RAB10: variants seen among roughly 807,000 people sequenced by gnomAD.
RAB10 encodes the protein ras-related protein Rab-10.
Under a neutral mutation model 25.7 loss-of-function variants are expected in RAB10, and 5 were observed. The observed-to-expected ratio is 0.19, with a 90% CI of 0.10 to 0.41. RAB10 has a LOEUF of 0.41. RAB10 is among the 10% of genes least tolerant of loss of function. The probability of loss-of-function intolerance (pLI) is 1.00; values close to 1 mark genes in which losing one functional copy is unlikely to be tolerated. For synonymous variants in RAB10, 89 were observed against 86.4 expected, an observed-to-expected ratio of 1.03 and a Z score of -0.16; for missense variants, 103 against 245.8, an observed-to-expected ratio of 0.42 and a Z score of 3.89.
intron 1 of RAB10, among the ~76,000 whole-genome samples, chr2:26,048,855 C>T (rs2149263386): frequency 6.6e-6 from 1 of 152,242 alleles, no homozygotes; most frequent in South Asian, 2.1e-4. Flanking sequence ...GACAGTGAGA[C>T]TCTATCTCAA....
At chr2:26,033,999 G>T (rs993866503), upstream of RAB10, 5 of 398,146 alleles carry the variant, frequency 1.3e-5, no homozygotes, top group Non-Finnish European at 2.2e-5. Flanking sequence ...ACTTCGGCGC[G>T]CCCCCATGCC....
At chr2:26,083,162 A>G (rs1052423113) in intron 1 of RAB10, among the ~76,000 whole-genome samples, 1 of 152,210 alleles carries the variant, frequency 6.6e-6, no homozygotes, top group Non-Finnish European at 1.5e-5. Flanking sequence ...GAACAACAGT[A>G]TATTAGAGGT....
intron 5 of RAB10, among the ~76,000 whole-genome samples, chr2:26,131,928 C>G (rs919228676): frequency 6.6e-6 from 1 of 152,212 alleles, no homozygotes; most frequent in African/African-American, 2.4e-5. Context: ...AGATTATTTT[C>G]AAACTTATGT....
At chr2:26,061,302 A>G (rs1666390344) in intron 1 of RAB10, among the ~76,000 whole-genome samples, 1 of 151,658 alleles carries the variant, frequency 6.6e-6, no homozygotes. Context: ...ATTTTTATAG[A>G]GACGGGATTT....
intron 1 of RAB10, among the ~76,000 whole-genome samples, chr2:26,054,819 A>G (rs1464113995): frequency 6.6e-6 from 1 of 152,020 alleles, no homozygotes; most frequent in South Asian, 2.1e-4. Context: ...TGTCTGATTC[A>G]AGATAGATTA....
rs1240906427 is a variant in RAB10 at position 26,034,383 on chromosome 2, GC to G, written c.-225del. 14 of 605,990 alleles carry G rather than the reference GC, an allele frequency of 2.3e-5. No individual in the cohort carries two copies. Among genetic ancestry groups the G allele is most frequent in the African/African-American group, 1.9e-4 (10 of 53,936 alleles). 37.5% of individuals were successfully genotyped at this position (605,990 alleles called of 1,614,324 possible). A position where few individuals can be genotyped will look rare whatever the true frequency, so the allele number is the denominator to read the frequency against. On this transcript the variant is annotated 5_prime_UTR_variant, in exon 1 of 6. Coordinates refer to ENST00000264710, the MANE Select transcript of RAB10 (RefSeq NM_016131.5). ...CGACTCCCCGGAACCGGGCGGACGGGCTGGGAGAGGCTGCGGAGCCGCGGTC... is the reference window on the plus strand; with the variant it reads ...CGACTCCCCGGAACCGGGCGGACGGGTGGGAGAGGCTGCGGAGCCGCGGTC...
intron 1 of RAB10, among the ~76,000 whole-genome samples, chr2:26,038,777 C>T (rs1292904482): frequency 6.6e-6 from 1 of 151,294 alleles, no homozygotes; most frequent in Non-Finnish European, 1.5e-5. Context: ...AAAAAATTAG[C>T]TGTCCGTGGT....
chr2:26,097,124 A>G (rs1667238029), intron 1 of RAB10, among the ~76,000 whole-genome samples: 1 of 152,128 alleles, frequency 6.6e-6, no homozygotes, highest in South Asian at 2.1e-4. Flanking sequence ...GGCTGAGGTA[A>G]GAGGATCACT....
chr2:26,133,679 C>CT (rs1250250026), intron 5 of RAB10, among the ~76,000 whole-genome samples: 7 of 150,614 alleles, frequency 4.6e-5, no homozygotes, highest in Non-Finnish European at 1.0e-4. Context: ...TTTTCTTTTT[C>CT]TTTTTATTTT....
At chr2:26,036,706 T>A (rs1665771703) in intron 1 of RAB10, among the ~76,000 whole-genome samples, 1 of 151,584 alleles carries the variant, frequency 6.6e-6, no homozygotes, top group African/African-American at 2.4e-5. Context: ...AGGAATAGAG[T>A]CAGAGGGGTA....
At chr2:26,069,986 C>T (rs113846875) in intron 1 of RAB10, among the ~76,000 whole-genome samples, 5,153 of 152,260 alleles carry the variant, frequency 0.034, 295 homozygotes, top group African/African-American at 0.12. Flanking sequence ...GGATTACAGG[C>T]GTGAGCCATC....
chr2:26,106,420 C>T (rs1256118253), intron 2 of RAB10, among the ~76,000 whole-genome samples: 2 of 152,106 alleles, frequency 1.3e-5, no homozygotes, highest in Non-Finnish European at 2.9e-5. Context: ...ATAAAGAACC[C>T]AGACACAGAT....
intron 5 of RAB10, among the ~76,000 whole-genome samples, chr2:26,131,290 C>T (rs1486271690): frequency 6.6e-6 from 1 of 152,048 alleles, no homozygotes; most frequent in Non-Finnish European, 1.5e-5. Flanking sequence ...AAAAAAATCA[C>T]ACACAACAAA....
intron 1 of RAB10, among the ~76,000 whole-genome samples, chr2:26,038,140 C>T (rs1018592472): frequency 1.3e-5 from 2 of 151,824 alleles, no homozygotes; most frequent in Non-Finnish European, 2.9e-5. Context: ...CCCGCCTCAG[C>T]GTCTCAAAGT....
Position 26,059,799 on chromosome 2 carries a change from TC to T in RAB10, c.127+25065del, listed in dbSNP as rs375336950. Among the ~76,000 whole-genome samples, 20 of 152,308 alleles carry T rather than the reference TC, an allele frequency of 1.3e-4. No individual in the cohort carries two copies. The East Asian group carries it at 3.7e-3, about 28-fold the overall frequency. On this transcript the variant is annotated intron_variant, in intron 1 of 5. Transcript: ENST00000264710. ...AGAGTTGTTTAATGGGTATGGAGTT[TC>T]ATTCTGCAAGATGAAAAAGTTCTGG...
chr2:26,056,292 G>A (rs1455702028), intron 1 of RAB10, among the ~76,000 whole-genome samples: 1 of 151,968 alleles, frequency 6.6e-6, no homozygotes, highest in South Asian at 2.1e-4. Flanking sequence ...TGCGCCTCCC[G>A]GGTTCAGGCA....
intron 1 of RAB10, among the ~76,000 whole-genome samples, chr2:26,053,955 G>A (rs1666191075): frequency 6.6e-6 from 1 of 150,636 alleles, no homozygotes; most frequent in South Asian, 2.1e-4. Flanking sequence ...TCCTGCCTCA[G>A]CCTCCCAAAG....
At chr2:26,090,733 A>C (rs928728884) in intron 1 of RAB10, among the ~76,000 whole-genome samples, 14 of 152,046 alleles carry the variant, frequency 9.2e-5, no homozygotes, top group Non-Finnish European at 1.5e-5. Flanking sequence ...CAGGAGTTCA[A>C]GACCAGCCTC....
chr2:26,132,258 ATTTG>A (rs1200448091), intron 5 of RAB10, among the ~76,000 whole-genome samples: 2 of 152,270 alleles, frequency 1.3e-5, no homozygotes, highest in South Asian at 4.1e-4. Context: ...ATTTAAAAAC[ATTTG>A]TTTGTTTTGA....
Sources: gnomAD v4.1 joint callset for allele counts (sites outside exome capture counted in the v4.1 genomes callset) on GRCh38, gnomAD v4.1.1 for gene constraint, MANE v1.5 for transcripts, NCBI Gene and HGNC (gene_info 2026-07-23, HGNC 2026-07-21) for gene names.